The following TMEM132D variants were observed in gnomAD, a reference collection of about 807,000 sequenced individuals.
TMEM132D encodes transmembrane protein 132D.
In TMEM132D, 21 loss-of-function variants were observed where a neutral mutation model predicts 62.3. That is an observed-to-expected ratio of 0.34 (90% confidence interval 0.24 to 0.49). TMEM132D has a LOEUF of 0.49. TMEM132D is among the 20% of genes least tolerant of loss of function. TMEM132D has a pLI of 0.99. For missense variants in TMEM132D, 1,346 were observed against 1,402.8 expected, an observed-to-expected ratio of 0.96 and a Z score of 0.65; for synonymous variants, 621 against 575.6, an observed-to-expected ratio of 1.08 and a Z score of -1.13.
At chr12:129,405,401 G>A (rs1871751692) in intron 3 of TMEM132D, among the ~76,000 whole-genome samples, 1 of 152,140 alleles carries the variant, frequency 6.6e-6, no homozygotes, top group Non-Finnish European at 1.5e-5. Flanking sequence ...ACTGGAGTTA[G>A]GGCATCAACA....
At chr12:129,269,115 C>T (rs1017652423) in intron 4 of TMEM132D, among the ~76,000 whole-genome samples, 2 of 151,990 alleles carry the variant, frequency 1.3e-5, no homozygotes, top group African/African-American at 2.4e-5. Context: ...CACATGTGTA[C>T]ATATGTAACA....
intron 2 of TMEM132D, among the ~76,000 whole-genome samples, chr12:129,599,490 C>T (rs115474846): frequency 0.015 from 2,243 of 152,212 alleles, 50 homozygotes; most frequent in African/African-American, 0.049. Flanking sequence ...TTGTTTAATC[C>T]GTCAGAATTT....
At chr12:129,466,607 C>T (rs188752362) in intron 3 of TMEM132D, among the ~76,000 whole-genome samples, 1 of 152,118 alleles carries the variant, frequency 6.6e-6, no homozygotes, top group Non-Finnish European at 1.5e-5. Context: ...CACTCATTAG[C>T]TCATTCACTT....
chr12:129,104,993 C>T (rs1875445430), intron 5 of TMEM132D, among the ~76,000 whole-genome samples: 2 of 146,844 alleles, frequency 1.4e-5, no homozygotes, highest in South Asian at 4.4e-4. Context: ...GGCGATTCCT[C>T]AGGGATCTAG....
chr12:129,220,891 GA>G (rs11385517), intron 4 of TMEM132D, among the ~76,000 whole-genome samples: 14,172 of 138,864 alleles, frequency 0.1, 1,215 homozygotes, highest in African/African-American at 0.22. Flanking sequence ...ATTTAAAAAT[GA>G]AAAAAAAAAA....
chr12:129,241,087 C>G (rs1879924333), intron 4 of TMEM132D, among the ~76,000 whole-genome samples: 1 of 141,450 alleles, frequency 7.1e-6, no homozygotes, highest in South Asian at 2.3e-4. Context: ...AAATCTTATT[C>G]AATAATATGT....
chr12:129,243,534 G>A (rs1258093667), intron 4 of TMEM132D, among the ~76,000 whole-genome samples: 1 of 152,116 alleles, frequency 6.6e-6, no homozygotes, highest in Non-Finnish European at 1.5e-5. Context: ...CATGCAGCAT[G>A]TGTAAACAAT....
At chr12:129,427,713 A>G (rs1171171455) in intron 3 of TMEM132D, among the ~76,000 whole-genome samples, 1 of 152,100 alleles carries the variant, frequency 6.6e-6, no homozygotes, top group Non-Finnish European at 1.5e-5. Context: ...AAAATCTTGT[A>G]AATTTTCTAG....
chr12:129,526,553 G>T (rs1460801594), intron 3 of TMEM132D, among the ~76,000 whole-genome samples: 1 of 152,166 alleles, frequency 6.6e-6, no homozygotes, highest in Non-Finnish European at 1.5e-5. Flanking sequence ...AAAGTGCTGG[G>T]ATTACAGGCA....
At chr12:129,782,362 T>A (rs1449573846) in intron 1 of TMEM132D, among the ~76,000 whole-genome samples, 4 of 152,252 alleles carry the variant, frequency 2.6e-5, no homozygotes, top group Non-Finnish European at 5.9e-5. Flanking sequence ...TGGTTTGGAA[T>A]ACTGCTTCTA....
intron 5 of TMEM132D, among the ~76,000 whole-genome samples, chr12:129,087,921 TG>T (rs1874685606): frequency 1.8e-5 from 2 of 112,158 alleles, no homozygotes; most frequent in South Asian, 3.0e-4. Context: ...GTGTCCTCCC[TG>T]ACCGGGTGTC....
At chr12:129,467,892 C>T (rs1260110602) in intron 3 of TMEM132D, among the ~76,000 whole-genome samples, 1 of 152,136 alleles carries the variant, frequency 6.6e-6, no homozygotes, top group African/African-American at 2.4e-5. Flanking sequence ...AAGCCCAGAA[C>T]CGCGCTTTAG....
chr12:129,524,492 T>C (rs1317085000), intron 3 of TMEM132D, among the ~76,000 whole-genome samples: 1 of 152,190 alleles, frequency 6.6e-6, no homozygotes, highest in Non-Finnish European at 1.5e-5. Flanking sequence ...GCATAAAATT[T>C]ATTACATGAA....
chr12:129,805,320 C>A (rs1194815574), intron 1 of TMEM132D, among the ~76,000 whole-genome samples: 1 of 152,068 alleles, frequency 6.6e-6, no homozygotes. Context: ...ACCAAAACAG[C>A]ATGGTACTGG....
Position 129,463,476 on chromosome 12 carries a change from T to TG in TMEM132D, c.1115+67582_1115+67583insC, listed in dbSNP as rs548584456. 1.0e-3 allele frequency among the ~76,000 whole-genome samples: 153 copies of TG among 148,202 alleles called. 1 individual carries two copies. In the East Asian group the frequency reaches 0.025, roughly 24 times the overall value. ...TATTTATTTATTTATTTATGTATTA[T>TG]TATTATTATTATTATACTTTAAGTT... On this transcript the variant is annotated intron_variant, in intron 3 of 8. Coordinates refer to ENST00000422113, the MANE Select transcript of TMEM132D (RefSeq NM_133448.3).
intron 2 of TMEM132D, among the ~76,000 whole-genome samples, chr12:129,536,773 C>G (rs1470414914): frequency 6.6e-6 from 1 of 152,196 alleles, no homozygotes; most frequent in Non-Finnish European, 1.5e-5. Flanking sequence ...TAAAGACCAA[C>G]AGTGAAGCAG....
chr12:129,891,657 A>G (rs981946673), intron 1 of TMEM132D, among the ~76,000 whole-genome samples: 2 of 152,242 alleles, frequency 1.3e-5, no homozygotes, highest in Non-Finnish European at 2.9e-5. Flanking sequence ...AAGTAACTCA[A>G]AACTTAAATT....
intron 2 of TMEM132D, among the ~76,000 whole-genome samples, chr12:129,605,586 A>ATT (rs1257994899): frequency 6.3e-4 from 21 of 33,264 alleles, no homozygotes; most frequent in Admixed American, 1.7e-3. Flanking sequence ...GAAATTAGGC[A>ATT]TTATATATAT....
intron 1 of TMEM132D, chr12:129,854,709 T>A (rs1414830941): frequency 6.6e-6 from 1 of 152,208 alleles, no homozygotes; most frequent in Non-Finnish European, 1.5e-5. Flanking sequence ...CAGCTCCTCC[T>A]AAGTGGATGA....
Sources: allele counts gnomAD v4.1 joint callset (sites outside exome capture counted in the v4.1 genomes callset), GRCh38; gene constraint gnomAD v4.1.1; transcripts MANE v1.5; gene names NCBI Gene and HGNC (gene_info 2026-07-23, HGNC 2026-07-21).